The following WDFY4 variants were observed in gnomAD, a reference collection of about 807,000 sequenced individuals.
WDFY4 encodes WD repeat- and FYVE domain-containing protein 4.
In WDFY4, 169 loss-of-function variants were observed where a neutral mutation model predicts 351.9. The ratio of observed to expected loss-of-function variants is 0.48; its 90% CI spans 0.42 to 0.55. The LOEUF (loss-of-function observed/expected upper bound fraction) is 0.55. Among genes scored for constraint, WDFY4 ranks in the 20% least tolerant of loss-of-function variants. WDFY4 has a pLI of 0.00. For synonymous variants in WDFY4, 1,622 were observed against 1,574.6 expected, an observed-to-expected ratio of 1.03 and a Z score of -0.71; for missense variants, 3,803 against 3,935.6, an observed-to-expected ratio of 0.97 and a Z score of 0.90.
intron 56 of WDFY4, among the ~76,000 whole-genome samples, chr10:48,969,589 T>C (rs2131832381): frequency 6.6e-6 from 1 of 152,244 alleles, no homozygotes; most frequent in East Asian, 1.9e-4. Context: ...TGATTTAAAC[T>C]CAAAGGACAC....
intron 45 of WDFY4, among the ~76,000 whole-genome samples, chr10:48,899,092 G>A (rs1837231964): frequency 6.6e-6 from 1 of 152,158 alleles, no homozygotes; most frequent in Non-Finnish European, 1.5e-5. Flanking sequence ...CAAGTACATG[G>A]TGATTGTTTC....
At chr10:48,945,195 G>A (rs1331912426) in intron 49 of WDFY4, among the ~76,000 whole-genome samples, 1 of 152,168 alleles carries the variant, frequency 6.6e-6, no homozygotes, top group Non-Finnish European at 1.5e-5. Context: ...GGCCAACATA[G>A]TGAGACCCTG....
At position 48,959,735 on chromosome 10, in the gene WDFY4, C is replaced by T. The variant is rs909085505; in HGVS notation, c.8145C>T (p.Asp2715=). Residue 2715 remains aspartate, a synonymous_variant, in exon 53 of 62, where the codon GAC becomes GAT. Transcript: ENST00000325239. The part of the protein sequence containing the change: ...CNGVEFGCMQ[D]GTVLGDVQLP... ...CATCCCATGCAGGCTGCATGCAGGACGGGACTGTGCTAGGAGACGTGCAGC... is the reference window on the plus strand; with the variant it reads ...CATCCCATGCAGGCTGCATGCAGGATGGGACTGTGCTAGGAGACGTGCAGC... 3.9e-6 allele frequency: 6 copies of T among 1,551,472 alleles called. No individual in the cohort carries two copies. In the Admixed American group the frequency reaches 5.9e-5, roughly 15 times the overall value.
chr10:48,959,716 A>G lies in WDFY4; in HGVS notation c.8132-6A>G. The G allele has an allele frequency of 6.4e-7, 1 of 1,551,560 alleles. No homozygotes were observed. Among genetic ancestry groups the G allele is most frequent in the South Asian group, 1.2e-5 (1 of 84,056 alleles). On this transcript the variant is annotated splice_region_variant and splice_polypyrimidine_tract_variant and intron_variant, in intron 52 of 61. Transcript: ENST00000325239. ...CCAAATCTCTGCTGCTTCTCATCCC[A>G]TGCAGGCTGCATGCAGGACGGGACT...
chr10:48,689,429 TG>T (rs1176768874), intron 1 of WDFY4, among the ~76,000 whole-genome samples: 2 of 152,236 alleles, frequency 1.3e-5, no homozygotes, highest in South Asian at 4.1e-4. Flanking sequence ...ATTTTAAAGA[TG>T]TTACAAACTA....
chr10:48,705,354 G>A (rs2063598066), intron 1 of WDFY4, among the ~76,000 whole-genome samples: 1 of 152,142 alleles, frequency 6.6e-6, no homozygotes, highest in South Asian at 2.1e-4. Context: ...GGAGGTGAGT[G>A]CCTCCTTCAT....
At chr10:48,884,804 G>T (rs539592026) in intron 43 of WDFY4, among the ~76,000 whole-genome samples, 1 of 152,166 alleles carries the variant, frequency 6.6e-6, no homozygotes, top group South Asian at 2.1e-4. Context: ...CACCGCTGCC[G>T]CCTCTTCCAT....
chr10:48,844,255 G>A (rs1438429134), intron 39 of WDFY4, among the ~76,000 whole-genome samples: 2 of 152,204 alleles, frequency 1.3e-5, no homozygotes, highest in Non-Finnish European at 2.9e-5. Flanking sequence ...AAGAAGGAAG[G>A]AGAGATGGAA....
intron 1 of WDFY4, among the ~76,000 whole-genome samples, chr10:48,701,431 T>A (rs2063477480): frequency 6.6e-6 from 1 of 152,252 alleles, no homozygotes. Flanking sequence ...ATACTTTTAC[T>A]TTTTGTAATT....
At chr10:48,922,704 A>G (rs774208903) in intron 47 of WDFY4, among the ~76,000 whole-genome samples, 16 of 152,242 alleles carry the variant, frequency 1.1e-4, no homozygotes, top group Non-Finnish European at 2.1e-4. Context: ...TGGTAATGGA[A>G]TACTACTAAA....
chr10:48,806,227 C>A, intron 27 of WDFY4, 132 bp downstream of exon 27: 2 of 827,302 alleles, frequency 2.4e-6, no homozygotes, highest in Non-Finnish European at 4.0e-6. Context: ...GGTTTCCAAG[C>A]CGTGGCCTGT....
At chr10:48,819,454 C>T (rs962418529) in intron 32 of WDFY4, among the ~76,000 whole-genome samples, 36 of 152,114 alleles carry the variant, frequency 2.4e-4, no homozygotes, top group African/African-American at 3.1e-4. Flanking sequence ...TAATTAAGAA[C>T]GGCCGCATTA....
chr10:48,749,454 A>G (rs979579314), intron 12 of WDFY4, among the ~76,000 whole-genome samples: 1 of 152,058 alleles, frequency 6.6e-6, no homozygotes, highest in African/African-American at 2.4e-5. Context: ...GCACATACAC[A>G]TGAATACACA....
At position 48,824,000 on chromosome 10, in the gene WDFY4, C is replaced by A. The variant is rs1028821577; in HGVS notation, c.5982+1463C>A. On this transcript the variant is annotated intron_variant, in intron 35 of 61. Coordinates refer to ENST00000325239, the MANE Select transcript of WDFY4 (RefSeq NM_001394531.1). ...AGCCTATAACAAATTCATTTTCTAT[C>A]GGACTGAAAAACTTTGTGCATACTC... 67 of 985,334 alleles carry A rather than the reference C, an allele frequency of 6.8e-5. No individual in the cohort carries two copies. In the Admixed American group the frequency reaches 1.9e-3, roughly 28 times the overall value. 61.0% of individuals were successfully genotyped at this position (985,334 alleles called of 1,614,324 possible).
Position 48,823,917 on chromosome 10 carries a change from AACAG to A in WDFY4, c.5982+1383_5982+1386del, listed in dbSNP as rs1203460081. ...TGAATCCCAAACCCCAACAGGTTTAAACAGACCTTCACTTCATGAGTAGAAACAT... is the reference window on the plus strand; with the variant it reads ...TGAATCCCAAACCCCAACAGGTTTAAACCTTCACTTCATGAGTAGAAACAT... On this transcript the variant is annotated intron_variant, in intron 35 of 61. Coordinates refer to ENST00000325239, the MANE Select transcript of WDFY4 (RefSeq NM_001394531.1). 1.7e-5 allele frequency: 17 copies of A among 985,588 alleles called. No homozygotes were observed. In the African/African-American group the frequency reaches 3.0e-4, roughly 17 times the overall value. 61.1% of individuals were successfully genotyped at this position (985,588 alleles called of 1,614,324 possible). A position where few individuals can be genotyped will look rare whatever the true frequency, so the allele number is the denominator to read the frequency against.
At position 48,910,353 on chromosome 10, in the gene WDFY4, G is replaced by C; in HGVS notation, c.7586+8490G>C. ...GGTCACACCAGCTCACCAAGGTCAT[G>C]CCTGACCTTCAGGATGGTCAGGTTA... On this transcript the variant is annotated intron_variant, in intron 47 of 61. Transcript: ENST00000325239. The C allele has an allele frequency of 1.2e-5, 13 of 1,084,976 alleles. No homozygotes were observed. In the South Asian group the frequency reaches 1.5e-4, roughly 12 times the overall value. 67.2% of individuals were successfully genotyped at this position (1,084,976 alleles called of 1,614,324 possible).
intron 24 of WDFY4, among the ~76,000 whole-genome samples, chr10:48,800,372 C>A (rs2067025265): frequency 6.6e-6 from 1 of 151,940 alleles, no homozygotes; most frequent in South Asian, 2.1e-4. Context: ...TGGTGTGAAG[C>A]AGACAGGAAG....
chr10:48,752,700 A>T (rs2065219586), intron 12 of WDFY4, among the ~76,000 whole-genome samples: 1 of 152,254 alleles, frequency 6.6e-6, no homozygotes, highest in Non-Finnish European at 1.5e-5. Context: ...ATTGTAACGT[A>T]TATCAGTACT....
rs1260862613 is a variant in WDFY4, at chr10:48,981,440, C to T, written c.9450C>T (p.Ser3150=). ...GCATTGCTTTGACAGGGAAGCCCAG[C>T]AAAACCAGCCCCGCAGTGACTGCTC... ...DVSIALTGKP[S]KTSPAVTALA... Residue 3150 remains serine, a synonymous_variant, in exon 61 of 62, where the codon AGC becomes AGT. Coordinates refer to ENST00000325239, the MANE Select transcript of WDFY4 (RefSeq NM_001394531.1). The T allele has an allele frequency of 6.4e-7, 1 of 1,551,620 alleles. No individual in the cohort carries two copies. The highest frequency in any genetic ancestry group is 2.0e-5 in the Admixed American group (1 of 50,990).
Sources: allele counts gnomAD v4.1 joint callset (sites outside exome capture counted in the v4.1 genomes callset), GRCh38; gene constraint gnomAD v4.1.1; transcripts MANE v1.5; gene names NCBI Gene and HGNC (gene_info 2026-07-23, HGNC 2026-07-21).